Variants in ACOD1 observed in about 807,000 individuals in gnomAD.
ACOD1 encodes the protein cis-aconitate decarboxylase.
ACOD1 carries 14 observed loss-of-function variants against 14.2 expected under a neutral mutation model. The ratio of observed to expected loss-of-function variants is 0.99; its 90% CI spans 0.65 to 1.54. The LOEUF (loss-of-function observed/expected upper bound fraction) is 1.54. ACOD1 is among the 40% of genes most tolerant of loss of function. ACOD1 has a pLI of 0.00. For synonymous variants in ACOD1, 182 were observed against 221.7 expected, an observed-to-expected ratio of 0.82 and a Z score of 1.59; for missense variants, 530 against 586.3, an observed-to-expected ratio of 0.90 and a Z score of 0.99.
At chr13:76,949,459 C>T (rs1379437867) in intron 1 of ACOD1, among the ~76,000 whole-genome samples, 3 of 152,162 alleles carry the variant, frequency 2.0e-5, no homozygotes, top group African/African-American at 7.2e-5. Context: ...CCTCACGTTT[C>T]GTTCCTTCAG....
Position 76,953,687 on chromosome 13 carries a change from G to T in ACOD1, c.262G>T (p.Ala88Ser), listed in dbSNP as rs745702602. ...PTYAAFVNGV[A>S]IHSMDFDDTW... is the part of the protein sequence containing the mutation. ...ATATGCTGCTTTTGTGAACGGTGTG[G>T]CTGTAAGGAGGTTTTCACGTCTTTT... Residue 88 changes from alanine (A) to serine (S), a missense_variant and splice_region_variant, in exon 3 of 5, where the codon GCT becomes TCT. Transcript: ENST00000377462. The T allele has an allele frequency of 1.3e-5, 20 of 1,533,668 alleles. No individual in the cohort carries two copies. Among genetic ancestry groups the T allele is most frequent in the Non-Finnish European group, 1.8e-5 (20 of 1,131,870 alleles).
Position 76,955,438 on chromosome 13 carries a change from T to C in ACOD1, c.384T>C (p.Leu128=). The C allele has an allele frequency of 6.4e-7, 1 of 1,550,668 alleles. No homozygotes were observed. The highest frequency in any genetic ancestry group is 8.7e-7 in the Non-Finnish European group (1 of 1,147,008). The change falls in exon 4 of 5, where the codon CTT becomes CTC. Residue 128 remains leucine (L), a synonymous_variant. Coordinates refer to ENST00000377462, the MANE Select transcript of ACOD1 (RefSeq NM_001258406.2). ...CAAGGAGTCCAAAGTTTTCTGGCCT[T>C]GACCTGCTGCTGGCTTTCAATGTTG... ...ALPRSPKFSG[L]DLLLAFNVGI...
chr13:76,956,595 G>A (rs1023452425), intron 4 of ACOD1, among the ~76,000 whole-genome samples: 8 of 148,476 alleles, frequency 5.4e-5, no homozygotes, highest in Non-Finnish European at 9.0e-5. Flanking sequence ...TCACTGCAGC[G>A]TCTGCCTCCC....
chr13:76,955,330 G>A lies in ACOD1; in HGVS notation c.276G>A (p.Met92Ile). Residue 92 changes from methionine (M) to isoleucine (I), a missense_variant, in exon 4 of 5, where the codon ATG becomes ATA. By Grantham distance (10) the Met-to-Ile change is conservative (BLOSUM62 1). Transcript: ENST00000377462. ...GTCTGTTTATACAGATTCACTCCAT[G>A]GATTTTGATGACACGTGGCACCCTG... is the stretch of plus-strand genomic sequence containing the variant. ...AFVNGVAIHSMDFDDTWHPAT... is the reference protein window; with the variant it reads ...AFVNGVAIHSIDFDDTWHPAT... The A allele has an allele frequency of 6.5e-7, 1 of 1,550,270 alleles. No individual in the cohort carries two copies. The highest frequency in any genetic ancestry group is 1.2e-5 in the South Asian group (1 of 84,044).
chr13:76,955,763 T>C (rs1427167394), intron 4 of ACOD1, among the ~76,000 whole-genome samples: 1 of 152,230 alleles, frequency 6.6e-6, no homozygotes, highest in African/African-American at 2.4e-5. Flanking sequence ...AGGTGATTCA[T>C]GTCATTCTGG....
intron 1 of ACOD1, among the ~76,000 whole-genome samples, chr13:76,950,077 G>A (rs1401230700): frequency 6.6e-6 from 1 of 152,062 alleles, no homozygotes; most frequent in Non-Finnish European, 1.5e-5. Flanking sequence ...CCTGACATGA[G>A]GCTCTGTAAA....
At chr13:76,953,142 AAAAC>A (rs766686077) in intron 2 of ACOD1, among the ~76,000 whole-genome samples, 3 of 152,188 alleles carry the variant, frequency 2.0e-5, no homozygotes, top group Non-Finnish European at 4.4e-5. Flanking sequence ...CCTTGTCTTA[AAAAC>A]AAACAAACAA....
In ACOD1 at chr13:76,956,928, T is replaced by C. The variant is rs1593892080; in HGVS notation, c.471-82T>C. 24 of 1,386,912 alleles carry C rather than the reference T, an allele frequency of 1.7e-5. No homozygotes were observed. The East Asian group carries it at 6.0e-4, about 35-fold the overall frequency. 85.9% of individuals were successfully genotyped at this position (1,386,912 alleles called of 1,614,324 possible). ...GAACCCAGACAGTGTGACTCCATTA[T>C]CAATGTTCTTGATGACTACGCTATC... On this transcript the variant is annotated intron_variant, in intron 4 of 4. Transcript: ENST00000377462.
chr13:76,956,640 G>C (rs1363992949), intron 4 of ACOD1, among the ~76,000 whole-genome samples: 1 of 152,100 alleles, frequency 6.6e-6, no homozygotes, highest in Non-Finnish European at 1.5e-5. Flanking sequence ...AGTCTCCCAA[G>C]TAGCTGGGAC....
Position 76,957,228 on chromosome 13 carries a change from A to C in ACOD1, c.689A>C (p.Gln230Pro), listed in dbSNP as rs1388492477. 2.5e-5 allele frequency: 39 copies of C among 1,550,522 alleles called. No individual in the cohort carries two copies. The highest frequency in any genetic ancestry group is 1.7e-4 in the Middle Eastern group (1 of 6,014). ...EAAFLAMLGL[Q>P]GNKQVLDLEA... is the part of the protein sequence containing the mutation. ...GCATTTTTGGCAATGTTGGGTCTCC[A>C]AGGAAACAAGCAGGTCTTGGACTTG... Residue 230 changes from glutamine to proline, a missense_variant, in exon 5 of 5, where the codon CAA (glutamine) becomes CCA (proline). Coordinates refer to ENST00000377462, the MANE Select transcript of ACOD1 (RefSeq NM_001258406.2).
intron 3 of ACOD1, among the ~76,000 whole-genome samples, 167 bp downstream of exon 3, chr13:76,953,856 G>A (rs1272714860): frequency 6.6e-6 from 1 of 152,150 alleles, no homozygotes; most frequent in East Asian, 1.9e-4. Flanking sequence ...CAGTTTTCAT[G>A]TTTTTACAGT....
intron 1 of ACOD1, among the ~76,000 whole-genome samples, 172 bp downstream of exon 1, chr13:76,948,742 C>T (rs886170629): frequency 1.3e-5 from 2 of 152,142 alleles, no homozygotes; most frequent in African/African-American, 4.8e-5. Flanking sequence ...TACTGTTTTA[C>T]AAATGAGATA....
At chr13:76,951,238 A>T (rs2033818269) in intron 1 of ACOD1, among the ~76,000 whole-genome samples, 1 of 152,020 alleles carries the variant, frequency 6.6e-6, no homozygotes, top group Non-Finnish European at 1.5e-5. Flanking sequence ...AATATATTGA[A>T]TTTTTTTTAT....
chr13:76,952,857 G>T (rs1259232083), intron 2 of ACOD1, among the ~76,000 whole-genome samples: 1 of 152,120 alleles, frequency 6.6e-6, no homozygotes, highest in South Asian at 2.1e-4. Context: ...ACACAGTGAG[G>T]CACAGTGGCT....
intron 4 of ACOD1, 116 bp from the exon 5 acceptor site, chr13:76,956,894 C>T (rs1176998750): frequency 9.1e-7 from 1 of 1,104,220 alleles, no homozygotes; most frequent in Non-Finnish European, 1.3e-6. Context: ...AGTAATGGAG[C>T]TGAGATCTGA....
Position 76,949,252 on chromosome 13 carries a change from C to T in ACOD1, c.12+682C>T, listed in dbSNP as rs148362581. On this transcript the variant is annotated intron_variant, in intron 1 of 4. Transcript: ENST00000377462. ...ACTGTACTCCAGCCTAGCGACAGAG[C>T]GAGACTCCGTCTTGAAAAAAAAAAA... Among the ~76,000 whole-genome samples the T allele has an allele frequency of 8.6e-3, 1,305 of 151,462 alleles. 24 individuals carry two copies. Among genetic ancestry groups the T allele is most frequent in the African/African-American group, 0.03 (1,242 of 41,150 alleles).
intron 1 of ACOD1, among the ~76,000 whole-genome samples, chr13:76,950,315 A>T (rs1482789780): frequency 6.6e-6 from 1 of 152,248 alleles, no homozygotes; most frequent in Non-Finnish European, 1.5e-5. Context: ...AAAGGGAAGC[A>T]ATCCAATATT....
rs1056712116 is a variant in ACOD1, at chr13:76,952,544, C to T, written c.68C>T (p.Thr23Ile). 1.2e-5 allele frequency: 19 copies of T among 1,550,278 alleles called. No individual in the cohort carries two copies. In the African/African-American group the frequency reaches 2.1e-4, roughly 17 times the overall value. ...AIHGLKVGHL[T>I]DRVIQRSKRM... Reference sequence around the variant, plus strand: ...CATGGCTTGAAAGTGGGACACCTGACAGATCGTGTTATTCAGAGGAGCAAG... The same window carrying T: ...CATGGCTTGAAAGTGGGACACCTGATAGATCGTGTTATTCAGAGGAGCAAG... Residue 23 changes from threonine to isoleucine, a missense_variant, in exon 2 of 5, where the codon ACA (threonine) becomes ATA (isoleucine). Coordinates refer to ENST00000377462, the MANE Select transcript of ACOD1 (RefSeq NM_001258406.2).
At chr13:76,949,411 A>C (rs970494866) in intron 1 of ACOD1, among the ~76,000 whole-genome samples, 1 of 152,230 alleles carries the variant, frequency 6.6e-6, no homozygotes, top group Non-Finnish European at 1.5e-5. Context: ...AGATGAACGC[A>C]AGGACCACAG....
Sources: allele counts gnomAD v4.1 joint callset (sites outside exome capture counted in the v4.1 genomes callset), GRCh38; gene constraint gnomAD v4.1.1; transcripts MANE v1.5; gene names NCBI Gene and HGNC (gene_info 2026-07-23, HGNC 2026-07-21).